The following DDX28 variants were observed in gnomAD, a reference collection of about 807,000 sequenced individuals.
DDX28 encodes the protein probable ATP-dependent RNA helicase DDX28.
Under a neutral mutation model 26.8 loss-of-function variants are expected in DDX28, and 25 were observed. That is an observed-to-expected ratio of 0.93 (90% confidence interval 0.68 to 1.30). The LOEUF (loss-of-function observed/expected upper bound fraction) is 1.30, where lower values mean the gene tolerates loss of function less well. DDX28 is among the 50% of genes most tolerant of loss of function. The pLI is 0.00. For missense variants in DDX28, 790 were observed against 695.1 expected, an observed-to-expected ratio of 1.14 and a Z score of -1.53; for synonymous variants, 370 against 311.9, an observed-to-expected ratio of 1.19 and a Z score of -1.96.
Position 68,023,021 on chromosome 16 carries a change from A to T in DDX28, c.182T>A (p.Leu61Gln). ...SRRRNLPRPV[L>Q]VRPGPLLVSA... ...AACCAGCAGCGGTCCGGGTCGAACC[A>T]GCACCGGCCTCGGGAGGTTCCGCCG... Residue 61 changes from leucine (L) to glutamine (Q), a missense_variant, in exon 1 of 1, where the codon CTG becomes CAG. Physicochemically the swap from Leu to Gln is moderately radical, Grantham distance 113. Transcript: ENST00000332395. The T allele has an allele frequency of 6.3e-7, 1 of 1,583,752 alleles. No homozygotes were observed. Among genetic ancestry groups the T allele is most frequent in the Non-Finnish European group, 8.5e-7 (1 of 1,173,200 alleles).
Position 68,022,206 on chromosome 16 carries a change from A to T in DDX28, c.997T>A (p.Phe333Ile). The T allele has an allele frequency of 6.2e-7, 1 of 1,614,228 alleles. No individual in the cohort carries two copies. The highest frequency in any genetic ancestry group is 8.5e-7 in the Non-Finnish European group (1 of 1,180,044). ...AGCAACTGGCCTACACCTTCGGGAA[A>T]TGTGGCTCCTACCAGCACTAACTGA... Reference protein sequence around the residue: ...KAQLVLVGATFPEGVGQLLNK... With the variant: ...KAQLVLVGATIPEGVGQLLNK... Residue 333 changes from phenylalanine to isoleucine, a missense_variant, in exon 1 of 1, where the codon TTT becomes ATT. Coordinates refer to ENST00000332395, the MANE Select transcript of DDX28 (RefSeq NM_018380.4).
Position 68,021,744 on chromosome 16 carries a change from T to G in DDX28, c.1459A>C (p.Arg487=). The G allele has an allele frequency of 6.2e-7, 1 of 1,614,174 alleles. No homozygotes were observed. The highest frequency in any genetic ancestry group is 2.2e-5 in the East Asian group (1 of 44,888). ...ACCTCGCTCCCCACACGGCCCACTC[T>G]CCCTGCTCTGTGGATGTAATCTTGC... ...TLQDYIHRAG[R]VGRVGSEVPG... The change falls in exon 1 of 1, where the codon AGA becomes CGA. Residue 487 remains arginine (R), a synonymous_variant. Transcript: ENST00000332395.
chr16:68,023,050 G>A lies in DDX28; in HGVS notation c.153C>T (p.Ser51=). ...ALQRQLEQRQ[S]RRRNLPRPVL... The stretch of plus-strand genomic sequence containing the variant: ...CCGGCCTCGGGAGGTTCCGCCGCCT[G>A]CTCTGCCGCTGTTCCAACTGCCGCT... The change falls in exon 1 of 1, where the codon AGC becomes AGT. Residue 51 remains serine, a synonymous_variant. Coordinates refer to ENST00000332395, the MANE Select transcript of DDX28 (RefSeq NM_018380.4). 1.3e-6 allele frequency: 2 copies of A among 1,596,698 alleles called. No homozygotes were observed. The highest frequency in any genetic ancestry group is 1.3e-5 in the African/African-American group (1 of 74,978).
rs201938424 is a variant in DDX28, at chr16:68,023,198, G to A, written c.5C>T (p.Ala2Val). The change falls in exon 1 of 1, where the codon GCT becomes GTT. Residue 2 changes from alanine (A) to valine (V), a missense_variant. Physicochemically the swap from Ala to Val is moderately conservative, Grantham distance 64 (BLOSUM62 0). Coordinates refer to ENST00000332395, the MANE Select transcript of DDX28 (RefSeq NM_018380.4). The part of the protein sequence containing the change: M[A>V]LTRPVRLFSL... ...AAAGAGCCGCACCGGCCGCGTTAGA[G>A]CCATGTTTCCCTTAGTGCGGGAGAA... 2 of 1,608,450 alleles carry A rather than the reference G, an allele frequency of 1.2e-6. No individual in the cohort carries two copies. The highest frequency in any genetic ancestry group is 2.2e-5 in the East Asian group (1 of 44,790).
chr16:68,022,194 C>T lies in DDX28; in HGVS notation c.1009G>A (p.Val337Ile), dbSNP rs1390222474. 1.2e-6 allele frequency: 2 copies of T among 1,614,100 alleles called. No individual in the cohort carries two copies. Among genetic ancestry groups the T allele is most frequent in the South Asian group, 1.1e-5 (1 of 91,094 alleles). ...GCGACTTTATTCAGCAACTGGCCTA[C>T]ACCTTCGGGAAATGTGGCTCCTACC... ...VLVGATFPEG[V>I]GQLLNKVASP... Residue 337 changes from valine (V) to isoleucine (I), a missense_variant, in exon 1 of 1, where the codon GTA (valine) becomes ATA (isoleucine). Transcript: ENST00000332395.
Position 68,022,357 on chromosome 16 carries a change from G to C in DDX28, c.846C>G (p.Phe282Leu), listed in dbSNP as rs1281720769. Reference protein sequence around the residue: ...SRLISLEQLSFLVLDEADTLL... With the variant: ...SRLISLEQLSLLVLDEADTLL... The stretch of plus-strand genomic sequence containing the variant: ...GTGTGTCTGCCTCATCCAACACCAA[G>C]AAGGAGAGTTGCTCCAGACTGATCA... The change falls in exon 1 of 1, where the codon TTC (phenylalanine) becomes TTG (leucine). Residue 282 changes from phenylalanine (F) to leucine (L), a missense_variant. Physicochemically the swap from Phe to Leu is conservative, Grantham distance 22. Coordinates refer to ENST00000332395, the MANE Select transcript of DDX28 (RefSeq NM_018380.4). 1 of 1,614,044 alleles carries C rather than the reference G, an allele frequency of 6.2e-7. No homozygotes were observed.
chr16:68,022,098 A>G lies in DDX28; in HGVS notation c.1105T>C (p.Phe369Leu). The stretch of plus-strand genomic sequence containing the variant: ...TTATCTGCTCCCTTCAGTCTCAGAA[A>G]TGTCTGTTTCACATGAGGCATGATA... ...HCIMPHVKQT[F>L]LRLKGADKVA... Residue 369 changes from phenylalanine to leucine, a missense_variant, in exon 1 of 1, where the codon TTT becomes CTT. Coordinates refer to ENST00000332395, the MANE Select transcript of DDX28 (RefSeq NM_018380.4). The G allele has an allele frequency of 6.2e-7, 1 of 1,614,158 alleles. No individual in the cohort carries two copies.
At position 68,023,154 on chromosome 16, in the gene DDX28, G is replaced by C; in HGVS notation, c.49C>G (p.Leu17Val). 6.2e-7 allele frequency: 1 copy of C among 1,607,944 alleles called. No homozygotes were observed. Among genetic ancestry groups the C allele is most frequent in the Non-Finnish European group, 8.5e-7 (1 of 1,179,758 alleles). The part of the protein sequence containing the change: ...VRLFSLVTRL[L>V]LAPRRGLTVR... ...GTGAGGCCCCGTCGCGGCGCCAGGA[G>C]CAACCGAGTCACGAGGGAAAAGAGC... Residue 17 changes from leucine (L) to valine (V), a missense_variant, in exon 1 of 1, where the codon CTC (leucine) becomes GTC (valine). Transcript: ENST00000332395.
Position 68,022,031 on chromosome 16 carries a change from G to A in DDX28, c.1172C>T (p.Ala391Val), listed in dbSNP as rs2033251427. 1.9e-6 allele frequency: 3 copies of A among 1,614,180 alleles called. No homozygotes were observed. Among genetic ancestry groups the A allele is most frequent in the Non-Finnish European group, 2.5e-6 (3 of 1,180,032 alleles). The change falls in exon 1 of 1, where the codon GCA becomes GTA. Residue 391 changes from alanine to valine, a missense_variant. Ala to Val is a moderately conservative substitution (Grantham distance 64). Coordinates refer to ENST00000332395, the MANE Select transcript of DDX28 (RefSeq NM_018380.4). ...AGTTCCTGAGGGACCAGTCCTTTCT[G>A]CTCTGTCACGATGCTTGAGGATGTG... The part of the protein sequence containing the change: ...LVHILKHRDR[A>V]ERTGPSGTVL...
Position 68,022,648 on chromosome 16 carries a change from C to G in DDX28, c.555G>C (p.Pro185=). ...GSGKTLSYLL[P]LLQRLLGQPS... is the part of the protein sequence containing the mutation. ...GCTGGCCCAAGAGCCGTTGAAGCAG[C>G]GGCAGGAGGTAGCTGAGAGTCTTGC... The change falls in exon 1 of 1, where the codon CCG becomes CCC. Residue 185 remains proline, a synonymous_variant. Transcript: ENST00000332395. The G allele has an allele frequency of 6.2e-7, 1 of 1,612,744 alleles. No homozygotes were observed. The highest frequency in any genetic ancestry group is 8.5e-7 in the Non-Finnish European group (1 of 1,179,714).
Position 68,021,627 on chromosome 16 carries a change from G to A in DDX28, c.1576C>T (p.Pro526Ser), listed in dbSNP as rs989668265. Reference sequence around the variant, plus strand: ...TCTTTCACCGAGGATGCTAGTCCTGGAAGACTTCTCCTTCGGCGAGCCGCC... The same window carrying A: ...TCTTTCACCGAGGATGCTAGTCCTGAAAGACTTCTCCTTCGGCGAGCCGCC... ...ELAARRRRSL[P>S]GLASSVKEPL... Residue 526 changes from proline (P) to serine (S), a missense_variant, in exon 1 of 1, where the codon CCA becomes TCA. Transcript: ENST00000332395. 1.2e-6 allele frequency: 2 copies of A among 1,614,176 alleles called. No homozygotes were observed. Among genetic ancestry groups the A allele is most frequent in the South Asian group, 2.2e-5 (2 of 91,084 alleles).
chr16:68,021,535 A>T lies in DDX28; in HGVS notation c.*45T>A. 1 of 1,576,102 alleles carries T rather than the reference A, an allele frequency of 6.3e-7. No homozygotes were observed. The highest frequency in any genetic ancestry group is 8.6e-7 in the Non-Finnish European group (1 of 1,159,232). ...GTGGTCACCCACTCAAGATACTGGG[A>T]AAGATCCCTGTTCTAGCATCACATT... On this transcript the variant is annotated 3_prime_UTR_variant, in exon 1 of 1. Coordinates refer to ENST00000332395, the MANE Select transcript of DDX28 (RefSeq NM_018380.4).
chr16:68,021,324 T>C lies in DDX28; in HGVS notation c.*256A>G. ...AGGGGAGGCACATAAAAACATCATT[T>C]ATTGTTAGAAATCATGACATGATAC... On this transcript the variant is annotated 3_prime_UTR_variant, in exon 1 of 1. Coordinates refer to ENST00000332395, the MANE Select transcript of DDX28 (RefSeq NM_018380.4). The C allele has an allele frequency of 2.0e-6, 1 of 507,334 alleles. No homozygotes were observed. The highest frequency in any genetic ancestry group is 3.5e-6 in the Non-Finnish European group (1 of 286,168). The allele number at this position is 507,334 out of a possible 1,614,324, so 31.4% of individuals were successfully genotyped here.
rs751620852 is a variant in DDX28, at chr16:68,023,160, G to A, written c.43C>T (p.Arg15Trp). ...RPVRLFSLVT[R>W]LLLAPRRGLT... is the part of the protein sequence containing the mutation. Reference sequence around the variant, plus strand: ...CCCCGTCGCGGCGCCAGGAGCAACCGAGTCACGAGGGAAAAGAGCCGCACC... The same window carrying A: ...CCCCGTCGCGGCGCCAGGAGCAACCAAGTCACGAGGGAAAAGAGCCGCACC... The change falls in exon 1 of 1, where the codon CGG becomes TGG. Residue 15 changes from arginine (R) to tryptophan (W), a missense_variant. Arg to Trp is a moderately radical substitution (Grantham distance 101). Transcript: ENST00000332395. The A allele has an allele frequency of 4.4e-6, 7 of 1,608,446 alleles. No individual in the cohort carries two copies. The highest frequency in any genetic ancestry group is 1.1e-5 in the South Asian group (1 of 91,032).
Position 68,021,724 on chromosome 16 carries a change from G to C in DDX28, c.1479C>G (p.Ser493Arg), listed in dbSNP as rs760703710. The C allele has an allele frequency of 6.2e-7, 1 of 1,614,154 alleles. No individual in the cohort carries two copies. Among genetic ancestry groups the C allele is most frequent in the South Asian group, 1.1e-5 (1 of 91,084 alleles). ...AACTGATGACGGTGCCTGGCACCTC[G>C]CTCCCCACACGGCCCACTCTCCCTG... ...HRAGRVGRVGSEVPGTVISFV... is the reference protein window; with the variant it reads ...HRAGRVGRVGREVPGTVISFV... The change falls in exon 1 of 1, where the codon AGC (serine) becomes AGG (arginine). Residue 493 changes from serine to arginine, a missense_variant. By Grantham distance (110) the Ser-to-Arg change is moderately radical (BLOSUM62 -1). Transcript: ENST00000332395.
Position 68,022,879 on chromosome 16 carries a change from G to T in DDX28, c.324C>A (p.Ser108=), listed in dbSNP as rs767860967. 7.0e-6 allele frequency: 11 copies of T among 1,573,324 alleles called. No homozygotes were observed. Among genetic ancestry groups the T allele is most frequent in the Middle Eastern group, 1.7e-4 (1 of 5,724 alleles). ...GCGCCTCCTGTTGCGCGCGCTCGAT[G>T]GAGAAGTGGTCCCGACGCGCGCGTC... ...KSRRARRDHF[S]IERAQQEAPA... The change falls in exon 1 of 1, where the codon TCC becomes TCA. Residue 108 remains serine (S), a synonymous_variant. Coordinates refer to ENST00000332395, the MANE Select transcript of DDX28 (RefSeq NM_018380.4).
In DDX28 at chr16:68,022,513, C is replaced by G. The variant is rs374133301; in HGVS notation, c.690G>C (p.Leu230Phe). ...CCTCCAGGTCCCGCACCAGCAGGCCCAAGGAGCGGCCCAAGGGTTGGGCCA... is the reference window on the plus strand; with the variant it reads ...CCTCCAGGTCCCGCACCAGCAGGCCGAAGGAGCGGCCCAAGGGTTGGGCCA... ...RAVAQPLGRS[L>F]GLLVRDLEGG... Residue 230 changes from leucine (L) to phenylalanine (F), a missense_variant, in exon 1 of 1, where the codon TTG becomes TTC. Leu to Phe is a conservative substitution (Grantham distance 22, BLOSUM62 0). Coordinates refer to ENST00000332395, the MANE Select transcript of DDX28 (RefSeq NM_018380.4). The G allele has an allele frequency of 7.4e-6, 12 of 1,613,786 alleles. No homozygotes were observed. The highest frequency in any genetic ancestry group is 1.0e-5 in the Non-Finnish European group (12 of 1,180,038).
At position 68,022,625 on chromosome 16, in the gene DDX28, T is replaced by C; in HGVS notation, c.578A>G (p.Gln193Arg). The C allele has an allele frequency of 6.2e-7, 1 of 1,613,258 alleles. No homozygotes were observed. Among genetic ancestry groups the C allele is most frequent in the Non-Finnish European group, 8.5e-7 (1 of 1,179,872 alleles). ...LLPLLQRLLG[Q>R]PSLDSLPIPA... Reference sequence around the variant, plus strand: ...GATAGGAAGGGAGTCCAGGCTTGGCTGGCCCAAGAGCCGTTGAAGCAGCGG... The same window carrying C: ...GATAGGAAGGGAGTCCAGGCTTGGCCGGCCCAAGAGCCGTTGAAGCAGCGG... The change falls in exon 1 of 1, where the codon CAG (glutamine) becomes CGG (arginine). Residue 193 changes from glutamine to arginine, a missense_variant. Transcript: ENST00000332395.
chr16:68,022,088 A>G lies in DDX28; in HGVS notation c.1115T>C (p.Leu372Pro). 1.2e-6 allele frequency: 2 copies of G among 1,614,158 alleles called. No individual in the cohort carries two copies. The highest frequency in any genetic ancestry group is 1.7e-6 in the Non-Finnish European group (2 of 1,180,028). ...CTCGGCCACCTTATCTGCTCCCTTC[A>G]GTCTCAGAAATGTCTGTTTCACATG... Reference protein sequence around the residue: ...MPHVKQTFLRLKGADKVAELV... With the variant: ...MPHVKQTFLRPKGADKVAELV... The change falls in exon 1 of 1, where the codon CTG becomes CCG. Residue 372 changes from leucine to proline, a missense_variant. Physicochemically the swap from Leu to Pro is moderately conservative, Grantham distance 98 (BLOSUM62 -3). Transcript: ENST00000332395.
Sources: gnomAD v4.1 joint callset for allele counts on GRCh38, gnomAD v4.1.1 for gene constraint, MANE v1.5 for transcripts, NCBI Gene and HGNC (gene_info 2026-07-23, HGNC 2026-07-21) for gene names.